ASCC3: variants seen among roughly 807,000 people sequenced by gnomAD.
ASCC3 encodes ASC-1 complex subunit P200.
Under a neutral mutation model 256.3 loss-of-function variants are expected in ASCC3, and 158 were observed. The observed-to-expected ratio is 0.62, with a 90% CI of 0.54 to 0.70. The LOEUF (loss-of-function observed/expected upper bound fraction) is 0.70. Among genes scored for constraint, ASCC3 ranks in the 30% least tolerant of loss-of-function variants. The pLI is 0.00. For missense variants in ASCC3, 2,259 were observed against 2,626.0 expected, an observed-to-expected ratio of 0.86 and a Z score of 3.05; for synonymous variants, 948 against 883.4, an observed-to-expected ratio of 1.07 and a Z score of -1.30.
chr6:100,561,156 T>C (rs2114704961), intron 36 of ASCC3, among the ~76,000 whole-genome samples: 1 of 152,132 alleles, frequency 6.6e-6, no homozygotes, highest in Non-Finnish European at 1.5e-5. Flanking sequence ...TTGCTTGGTC[T>C]ACAAATAGCA....
chr6:100,539,835 A>C (rs1489170423), intron 37 of ASCC3, among the ~76,000 whole-genome samples: 2 of 152,062 alleles, frequency 1.3e-5, no homozygotes, highest in African/African-American at 4.8e-5. Context: ...TATATTTTAA[A>C]TTGTCAGTCT....
intron 8 of ASCC3, among the ~76,000 whole-genome samples, chr6:100,791,788 G>A (rs1769360768): frequency 1.3e-5 from 2 of 151,822 alleles, no homozygotes; most frequent in Non-Finnish European, 2.9e-5. Context: ...AGCCAAACAT[G>A]GCAAACTTGT....
At chr6:100,755,404 T>TA in intron 10 of ASCC3, among the ~76,000 whole-genome samples, 1 of 151,958 alleles carries the variant, frequency 6.6e-6, no homozygotes, top group African/African-American at 2.4e-5. Flanking sequence ...TATTGCTCTA[T>TA]AAACCCAGGC....
chr6:100,681,738 A>AAAAAAAAAAAAAAAAAAAG, intron 13 of ASCC3, among the ~76,000 whole-genome samples: 2 of 151,080 alleles, frequency 1.3e-5, no homozygotes, highest in East Asian at 1.9e-4. Flanking sequence ...AAAAAAAAAA[A>AAAAAAAAAAAAAAAAAAAG]AAAAAAAAAG....
At chr6:100,810,554 A>T (rs988966795) in intron 4 of ASCC3, among the ~76,000 whole-genome samples, 2 of 152,142 alleles carry the variant, frequency 1.3e-5, no homozygotes, top group African/African-American at 2.4e-5. Context: ...ATATTTTTTC[A>T]AAGGGAATCA....
chr6:100,723,180 T>C (rs1346855536), intron 11 of ASCC3, among the ~76,000 whole-genome samples: 2 of 151,714 alleles, frequency 1.3e-5, no homozygotes, highest in African/African-American at 4.8e-5. Flanking sequence ...TAATTTTTTC[T>C]ACTGTAAAAT....
At chr6:100,600,438 G>A (rs1772547875) in intron 34 of ASCC3, among the ~76,000 whole-genome samples, 1 of 152,050 alleles carries the variant, frequency 6.6e-6, no homozygotes, top group Non-Finnish European at 1.5e-5. Context: ...TGGTAAATGT[G>A]CAGTTCTGGA....
chr6:100,587,113 T>C (rs1291985711), intron 36 of ASCC3, among the ~76,000 whole-genome samples: 2 of 152,316 alleles, frequency 1.3e-5, no homozygotes, highest in Admixed American at 1.3e-4. Context: ...AACAGATCTT[T>C]GAAACACTAA....
At chr6:100,801,866 C>A (rs1769933007) in intron 5 of ASCC3, among the ~76,000 whole-genome samples, 1 of 150,552 alleles carries the variant, frequency 6.6e-6, no homozygotes, top group Non-Finnish European at 1.5e-5. Context: ...ACACAATCAG[C>A]AACACAGATA....
chr6:100,796,709 T>C lies in ASCC3; in HGVS notation c.1395+2004A>G, dbSNP rs541705213. Among the ~76,000 whole-genome samples the C allele has an allele frequency of 6.6e-5, 10 of 152,296 alleles. 1 individual carries two copies. The South Asian group carries it at 2.1e-3, about 32-fold the overall frequency. On this transcript the variant is annotated intron_variant, in intron 8 of 41. Transcript: ENST00000369162. Reference sequence around the variant, plus strand: ...AGAAACAAAATCTGCTAGCACCACCTGATCTGTGACTTTCAGCCTCCAGAG... The same window carrying C: ...AGAAACAAAATCTGCTAGCACCACCCGATCTGTGACTTTCAGCCTCCAGAG...
chr6:100,539,133 T>C (rs12206564), intron 37 of ASCC3, among the ~76,000 whole-genome samples: 74,335 of 151,864 alleles, frequency 0.49, 18,402 homozygotes, highest in South Asian at 0.63. Flanking sequence ...CTGACCAGTT[T>C]TAATCAACCT....
chr6:100,591,421 C>G (rs564643859), intron 34 of ASCC3, among the ~76,000 whole-genome samples: 2 of 151,956 alleles, frequency 1.3e-5, no homozygotes, highest in African/African-American at 4.8e-5. Flanking sequence ...TGAAATTCAT[C>G]AGTCAAACTT....
At chr6:100,812,229 A>G (rs902932279) in intron 4 of ASCC3, among the ~76,000 whole-genome samples, 11 of 152,218 alleles carry the variant, frequency 7.2e-5, no homozygotes, top group Non-Finnish European at 1.0e-4. Context: ...TATCCACAAT[A>G]TATTAACTAA....
intron 36 of ASCC3, among the ~76,000 whole-genome samples, chr6:100,549,798 A>G (rs1202754148): frequency 6.6e-6 from 1 of 152,020 alleles, no homozygotes; most frequent in Non-Finnish European, 1.5e-5. Flanking sequence ...AATTATTTTA[A>G]GTGAGGAATA....
chr6:100,651,919 T>C (rs918117250), intron 18 of ASCC3, among the ~76,000 whole-genome samples: 1 of 152,058 alleles, frequency 6.6e-6, no homozygotes, highest in African/African-American at 2.4e-5. Flanking sequence ...CTACACTAGA[T>C]ACCTTTAAAA....
chr6:100,789,022 T>C (rs988058209), intron 8 of ASCC3, among the ~76,000 whole-genome samples: 1 of 151,550 alleles, frequency 6.6e-6, no homozygotes, highest in African/African-American at 2.4e-5. Flanking sequence ...ATGATAACTT[T>C]AATACACCAG....
At chr6:100,863,759 G>A (rs1386046195) in intron 3 of ASCC3, among the ~76,000 whole-genome samples, 1 of 152,004 alleles carries the variant, frequency 6.6e-6, no homozygotes, top group Non-Finnish European at 1.5e-5. Context: ...GGGACTACAA[G>A]TGCACACCAC....
intron 19 of ASCC3, 125 bp from the exon 20 acceptor site, chr6:100,650,839 A>G: frequency 1.3e-6 from 1 of 763,938 alleles, no homozygotes; most frequent in Non-Finnish European, 2.2e-6. Context: ...TTTTTCTTTC[A>G]TAGAGTTAAA....
chr6:100,660,274 A>G (rs555223812), intron 16 of ASCC3, among the ~76,000 whole-genome samples: 4 of 151,764 alleles, frequency 2.6e-5, no homozygotes, highest in African/African-American at 7.2e-5. Flanking sequence ...GGTCAGTTAC[A>G]TATCACTCTC....
Sources: gnomAD v4.1 joint callset for allele counts (sites outside exome capture counted in the v4.1 genomes callset) on GRCh38, gnomAD v4.1.1 for gene constraint, MANE v1.5 for transcripts, NCBI Gene and HGNC (gene_info 2026-07-23, HGNC 2026-07-21) for gene names.